GCNT2: variants seen among roughly 807,000 people sequenced by gnomAD.
GCNT2 encodes N-acetyllactosaminide beta-1,6-N-acetylglucosaminyl-transferase.
A neutral mutation model predicts 34.2 loss-of-function variants in GCNT2; 34 were observed. That is an observed-to-expected ratio of 1.00 (90% CI 0.76 to 1.32). The LOEUF (loss-of-function observed/expected upper bound fraction) is 1.32. GCNT2 is among the 40% of genes most tolerant of loss of function. The pLI is 0.00. For missense variants in GCNT2, 584 were observed against 489.4 expected, an observed-to-expected ratio of 1.19 and a Z score of -1.82; for synonymous variants, 212 against 188.0, an observed-to-expected ratio of 1.13 and a Z score of -1.04.
chr6:10,580,004 CTT>C (rs1352020665), intron 3 of GCNT2, among the ~76,000 whole-genome samples: 1 of 152,070 alleles, frequency 6.6e-6, no homozygotes, highest in Non-Finnish European at 1.5e-5. Context: ...TAATTTGTGA[CTT>C]TGCATCTGCT....
In GCNT2 at chr6:10,587,021, G is replaced by A. The variant is rs1027866625; in HGVS notation, c.926-34330G>A. On this transcript the variant is annotated intron_variant, in intron 3 of 4. Transcript: ENST00000495262. ...ATTATGAAATAAATTTAAATACTTA[G>A]AAAACTATTAGTTTGGTTGCTTGTA... is the stretch of plus-strand genomic sequence containing the variant. The A allele has an allele frequency of 4.1e-5, 35 of 845,882 alleles. No homozygotes were observed. In the Admixed American group the frequency reaches 6.9e-4, roughly 17 times the overall value. 52.4% of individuals were successfully genotyped at this position (845,882 alleles called of 1,614,324 possible). A position where few individuals can be genotyped will look rare whatever the true frequency, so the allele number is the denominator to read the frequency against.
chr6:10,567,672 TC>T (rs1409778993), intron 3 of GCNT2, among the ~76,000 whole-genome samples: 2 of 152,220 alleles, frequency 1.3e-5, no homozygotes, highest in Non-Finnish European at 2.9e-5. Context: ...CAAATTGATC[TC>T]TTCTTACTTC....
chr6:10,600,966 AT>A (rs993942258), intron 3 of GCNT2, among the ~76,000 whole-genome samples: 4 of 151,830 alleles, frequency 2.6e-5, no homozygotes, highest in African/African-American at 7.3e-5. Flanking sequence ...AATTTTTTGT[AT>A]TTTTTGTAGA....
At chr6:10,607,008 G>T (rs542217400) in intron 3 of GCNT2, among the ~76,000 whole-genome samples, 30 of 151,808 alleles carry the variant, frequency 2.0e-4, no homozygotes, top group African/African-American at 6.5e-4. Context: ...GTGCAATGGC[G>T]TGACCTCGGC....
chr6:10,528,951 C>G lies in GCNT2; in HGVS notation c.40C>G (p.Leu14Val). Residue 14 changes from leucine (L) to valine (V), a missense_variant, in exon 3 of 5, where the codon CTT becomes GTT. Coordinates refer to ENST00000495262, the MANE Select transcript of GCNT2 (RefSeq NM_145649.5). ...GAAGCACTGTCTTTTTAGCGCGTCT[C>G]TTATCTCTGCCCTGATTTTTGTATT... ...SWKHCLFSAS[L>V]ISALIFVFVY... 1 of 1,614,004 alleles carries G rather than the reference C, an allele frequency of 6.2e-7. No homozygotes were observed. Among genetic ancestry groups the G allele is most frequent in the Non-Finnish European group, 8.5e-7 (1 of 1,179,868 alleles).
chr6:10,551,944 G>C (rs1346557136), intron 3 of GCNT2, among the ~76,000 whole-genome samples: 1 of 148,872 alleles, frequency 6.7e-6, no homozygotes, highest in African/African-American at 2.5e-5. Flanking sequence ...TTTTAGTAGA[G>C]ATGGGGGTTC....
At chr6:10,585,661 T>A in intron 3 of GCNT2, 1 of 604,304 alleles carries the variant, frequency 1.7e-6, no homozygotes, top group South Asian at 2.4e-5. Context: ...CAGAACGTAA[T>A]TTGCATTTCA....
intron 3 of GCNT2, among the ~76,000 whole-genome samples, chr6:10,545,706 G>C (rs149068975): frequency 2.1e-4 from 32 of 152,262 alleles, no homozygotes; most frequent in African/African-American, 7.7e-4. Context: ...CCTGAGTTTA[G>C]TCCTGGTCTG....
chr6:10,543,156 C>T (rs912885666), intron 3 of GCNT2, among the ~76,000 whole-genome samples: 4 of 151,882 alleles, frequency 2.6e-5, no homozygotes, highest in African/African-American at 2.4e-5. Context: ...AATCCACCAG[C>T]CTCGGCCTCC....
At position 10,534,139 on chromosome 6, in the gene GCNT2, C is replaced by CTTTTTTTTTTT. The variant is rs1491129469; in HGVS notation, c.925+4304_925+4305insTTTTTTTTTTT. On this transcript the variant is annotated intron_variant, in intron 3 of 4. Coordinates refer to ENST00000495262, the MANE Select transcript of GCNT2 (RefSeq NM_145649.5). ...CTGGTATCTGCCAGATTCCATGCTG[C>CTTTTTTTTTTT]TCTTTTTTTTTTTTTTTTTTAAGAT... Among the ~76,000 whole-genome samples, 228 of 123,126 alleles carry CTTTTTTTTTTT rather than the reference C, an allele frequency of 1.9e-3. 24 individuals are homozygous for CTTTTTTTTTTT. The highest frequency in any genetic ancestry group is 7.4e-3 in the South Asian group (23 of 3,128). 80.8% of individuals were successfully genotyped at this position (123,126 alleles called of 152,430 possible).
intron 1 of GCNT2, among the ~76,000 whole-genome samples, chr6:10,521,881 T>C (rs143005252): frequency 6.6e-6 from 1 of 151,848 alleles, no homozygotes; most frequent in African/African-American, 2.4e-5. Context: ...ATAAGGTACT[T>C]GGTACTGTCT....
At chr6:10,584,936 C>A (rs1764275455) in intron 3 of GCNT2, among the ~76,000 whole-genome samples, 1 of 152,088 alleles carries the variant, frequency 6.6e-6, no homozygotes, top group Non-Finnish European at 1.5e-5. Flanking sequence ...TCAACACTGA[C>A]TCTTTCATGT....
In GCNT2 at chr6:10,588,925, G is replaced by T. The variant is rs545384026; in HGVS notation, c.926-32426G>T. Among the ~76,000 whole-genome samples, 5 of 140,676 alleles carry T rather than the reference G, an allele frequency of 3.6e-5. No homozygotes were observed. The East Asian group carries it at 1.1e-3, about 31-fold the overall frequency. The allele number at this position is 140,676 out of a possible 152,430, so 92.3% of individuals were successfully genotyped here. ...GTGTGGTGTGTGTGTAGTGTGTGGTGTGTTTGTAGTGCGGTGTGTGTGTTT... is the reference window on the plus strand; with the variant it reads ...GTGTGGTGTGTGTGTAGTGTGTGGTTTGTTTGTAGTGCGGTGTGTGTGTTT... On this transcript the variant is annotated intron_variant, in intron 3 of 4. Coordinates refer to ENST00000495262, the MANE Select transcript of GCNT2 (RefSeq NM_145649.5).
intron 3 of GCNT2, among the ~76,000 whole-genome samples, chr6:10,594,142 C>G (rs1424967404): frequency 6.6e-6 from 1 of 152,242 alleles, no homozygotes; most frequent in Non-Finnish European, 1.5e-5. Context: ...CCCGAAGTTT[C>G]TGATTCAGCA....
chr6:10,533,996 C>T (rs1351626901), intron 3 of GCNT2, among the ~76,000 whole-genome samples: 2 of 151,670 alleles, frequency 1.3e-5, no homozygotes, highest in Non-Finnish European at 2.9e-5. Context: ...AGAGTCTCCA[C>T]CTCTGCTGGT....
chr6:10,619,212 C>G (rs1045667023), intron 3 of GCNT2: 6 of 151,932 alleles, frequency 3.9e-5, no homozygotes, highest in African/African-American at 1.5e-4. Flanking sequence ...TAGGAATGAT[C>G]CCTCTCTTGT....
intron 3 of GCNT2, among the ~76,000 whole-genome samples, chr6:10,589,655 G>C (rs1039770043): frequency 6.6e-6 from 1 of 152,110 alleles, no homozygotes; most frequent in Non-Finnish European, 1.5e-5. Context: ...AGGCAGATTT[G>C]AAAGGTCCCA....
At chr6:10,538,774 TATAA>T (rs1761904037) in intron 3 of GCNT2, among the ~76,000 whole-genome samples, 1 of 152,160 alleles carries the variant, frequency 6.6e-6, no homozygotes, top group Non-Finnish European at 1.5e-5. Context: ...TGATAATGTA[TATAA>T]ATAGTTTTGC....
rs778462299 is a variant in GCNT2, at chr6:10,586,692, G to C, written c.926-34659G>C. On this transcript the variant is annotated intron_variant, in intron 3 of 4. Coordinates refer to ENST00000495262, the MANE Select transcript of GCNT2 (RefSeq NM_145649.5). ...TAAGCGAACTAAATATGTCCACCAAGAGCATACAGATAAAGGTGGCTTTTT... is the reference window on the plus strand; with the variant it reads ...TAAGCGAACTAAATATGTCCACCAACAGCATACAGATAAAGGTGGCTTTTT... 6.1e-5 allele frequency: 98 copies of C among 1,613,922 alleles called. No homozygotes were observed. In the South Asian group the frequency reaches 1.1e-3, roughly 17 times the overall value.
Sources: allele counts gnomAD v4.1 joint callset (sites outside exome capture counted in the v4.1 genomes callset), GRCh38; gene constraint gnomAD v4.1.1; transcripts MANE v1.5; gene names NCBI Gene and HGNC (gene_info 2026-07-23, HGNC 2026-07-21).